Variants in SGCE observed in about 807,000 individuals in gnomAD.
The protein encoded by SGCE is epsilon-sarcoglycan.
In SGCE, 26 loss-of-function variants were observed where a neutral mutation model predicts 57.8. That is an observed-to-expected ratio of 0.45 (90% CI 0.33 to 0.62). SGCE has a LOEUF of 0.62. Among genes scored for constraint, SGCE ranks in the 20% least tolerant of loss-of-function variants. The pLI is 0.02. For synonymous variants in SGCE, 183 were observed against 189.5 expected (o/e 0.97, Z 0.28); for missense variants, 468 against 548.6 (o/e 0.85, Z 1.47).
chr7:94,594,342 C>G (rs1334682532), intron 9 of SGCE: 1 of 152,014 alleles, frequency 6.6e-6, no homozygotes, highest in Non-Finnish European at 1.5e-5. Flanking sequence ...CTATTAATGG[C>G]AACACTTATT....
intron 1 of SGCE, among the ~76,000 whole-genome samples, chr7:94,630,340 A>C (rs547596382): frequency 6.6e-6 from 1 of 151,930 alleles, no homozygotes; most frequent in African/African-American, 2.4e-5. Flanking sequence ...CACTATCAAT[A>C]CATGTAATGC....
At chr7:94,633,806 G>A (rs1018517791) in intron 1 of SGCE, among the ~76,000 whole-genome samples, 1 of 152,050 alleles carries the variant, frequency 6.6e-6, no homozygotes, top group Non-Finnish European at 1.5e-5. Context: ...ATGGTGGTAC[G>A]CTGCCAATGA....
At chr7:94,618,137 A>C (rs1009079293) in intron 5 of SGCE, 1 of 152,290 alleles carries the variant, frequency 6.6e-6, no homozygotes, top group Non-Finnish European at 1.5e-5. Flanking sequence ...ACAGCTTCAG[A>C]ACTGACAAAT....
At position 94,618,799 on chromosome 7, in the gene SGCE, C is replaced by G; in HGVS notation, c.621G>C (p.Arg207Ser). The G allele has an allele frequency of 6.2e-7, 1 of 1,614,022 alleles. No homozygotes were observed. The highest frequency in any genetic ancestry group is 8.5e-7 in the Non-Finnish European group (1 of 1,179,950). Reference sequence around the variant, plus strand: ...TAATGGGAAGTGGCACCCTGCCACCCCTGTCTAGGGCCGATGTGATGTTTA... The same window carrying G: ...TAATGGGAAGTGGCACCCTGCCACCGCTGTCTAGGGCCGATGTGATGTTTA... ...NAINITSALDRGGRVPLPIND... is the reference protein window; with the variant it reads ...NAINITSALDSGGRVPLPIND... The change falls in exon 5 of 11, where the codon AGG becomes AGC. Residue 207 changes from arginine to serine, a missense_variant. Coordinates refer to ENST00000648936, the MANE Select transcript of SGCE (RefSeq NM_003919.3).
chr7:94,650,615 T>C (rs1483418896), intron 1 of SGCE, among the ~76,000 whole-genome samples: 1 of 152,160 alleles, frequency 6.6e-6, no homozygotes, highest in Non-Finnish European at 1.5e-5. Flanking sequence ...TAAAATGTTC[T>C]CATCACAATT....
chr7:94,646,641 T>C (rs1807120906), intron 1 of SGCE, among the ~76,000 whole-genome samples: 1 of 151,966 alleles, frequency 6.6e-6, no homozygotes, highest in East Asian at 1.9e-4. Context: ...CTATAAAATC[T>C]AGTGTAATAG....
rs1472017729 is a variant in SGCE, at chr7:94,605,095, CA to C, written c.663-1644del. ...TTACTCCATACATTAGTCCAGCTAG[CA>C]AGAAAAAAATTATAAAACATACTAT... is the stretch of plus-strand genomic sequence containing the variant. On this transcript the variant is annotated intron_variant, in intron 5 of 10. Coordinates refer to ENST00000648936, the MANE Select transcript of SGCE (RefSeq NM_003919.3). Among the ~76,000 whole-genome samples the C allele has an allele frequency of 4.0e-5, 6 of 151,416 alleles. No individual in the cohort carries two copies. The East Asian group carries it at 9.7e-4, about 24-fold the overall frequency.
chr7:94,618,949 C>T lies in SGCE; in HGVS notation c.471G>A (p.Pro157=), dbSNP rs747531940. 4.4e-5 allele frequency: 71 copies of T among 1,612,006 alleles called. No individual in the cohort carries two copies. The highest frequency in any genetic ancestry group is 7.7e-5 in the South Asian group (7 of 91,052). The change falls in exon 5 of 11, where the codon CCG becomes CCA. Residue 157 remains proline (P), a synonymous_variant. Coordinates refer to ENST00000648936, the MANE Select transcript of SGCE (RefSeq NM_003919.3). ...IINIMSAEDF[P]LPYQAEFFIK... The stretch of plus-strand genomic sequence containing the variant: ...TGAAGAATTCTGCTTGATATGGCAA[C>T]GGGAAGTCTAATTTTGGTGAAAAAG...
At chr7:94,642,243 TTCTC>T (rs1238711958) in intron 1 of SGCE, among the ~76,000 whole-genome samples, 1 of 152,162 alleles carries the variant, frequency 6.6e-6, no homozygotes, top group Non-Finnish European at 1.5e-5. Flanking sequence ...TCTTATGAAT[TTCTC>T]TAATAAATGG....
At chr7:94,599,745 T>C in intron 7 of SGCE, 22 bp from the exon 8 acceptor site, 1 of 1,503,192 alleles carries the variant, frequency 6.7e-7, no homozygotes, top group South Asian at 1.1e-5. Context: ...ACAAAATTTA[T>C]GAATTAAATA....
intron 5 of SGCE, among the ~76,000 whole-genome samples, chr7:94,613,203 G>A (rs1487068281): frequency 1.3e-5 from 2 of 152,070 alleles, no homozygotes; most frequent in Non-Finnish European, 2.9e-5. Flanking sequence ...GTATATTTAT[G>A]GCTTCTTTTG....
intron 1 of SGCE, chr7:94,644,757 C>A (rs1806834583): frequency 4.4e-6 from 2 of 450,794 alleles, no homozygotes; most frequent in Non-Finnish European, 8.0e-6. Flanking sequence ...CATCCCCATC[C>A]AAGTTGTTAC....
At chr7:94,622,516 C>G (rs1235012700) in intron 4 of SGCE, 1 of 151,902 alleles carries the variant, frequency 6.6e-6, no homozygotes, top group Non-Finnish European at 1.5e-5. Context: ...ATAATCCCAC[C>G]TACTCGGGAG....
chr7:94,610,270 A>G (rs753319222), intron 5 of SGCE, among the ~76,000 whole-genome samples: 1 of 152,212 alleles, frequency 6.6e-6, no homozygotes, highest in East Asian at 1.9e-4. Context: ...GTATGATACT[A>G]TAATGATGGA....
intron 3 of SGCE, chr7:94,625,576 A>ATGAAAAG (rs1232417781): frequency 6.6e-6 from 1 of 152,110 alleles, no homozygotes; most frequent in Non-Finnish European, 1.5e-5. Context: ...GTTTTATTAT[A>ATGAAAAG]ATTGCATGAA....
intron 1 of SGCE, among the ~76,000 whole-genome samples, chr7:94,637,598 C>T (rs1182432911): frequency 6.6e-6 from 1 of 152,118 alleles, no homozygotes; most frequent in Non-Finnish European, 1.5e-5. Flanking sequence ...TTCTAGATGA[C>T]ACTATATGTC....
intron 1 of SGCE, chr7:94,639,508 G>T: frequency 1.0e-6 from 1 of 984,938 alleles, no homozygotes; most frequent in South Asian, 1.4e-5. Flanking sequence ...TTTTTAAAAT[G>T]ACTGTCACAG....
rs745745949 is a variant in SGCE at position 94,628,180 on chromosome 7, G to C, written c.390+22C>G. 4 of 1,573,380 alleles carry C rather than the reference G, an allele frequency of 2.5e-6. No homozygotes were observed. The Admixed American group carries it at 6.8e-5, about 27-fold the overall frequency. On this transcript the variant is annotated intron_variant, in intron 3 of 10. Coordinates refer to ENST00000648936, the MANE Select transcript of SGCE (RefSeq NM_003919.3). ...CACACACACATATATGTATAGTTTTGCTCTTTCTAGGTGTAAATTACCTCA... is the reference window on the plus strand; with the variant it reads ...CACACACACATATATGTATAGTTTTCCTCTTTCTAGGTGTAAATTACCTCA...
At chr7:94,594,970 T>TA (rs1260241840) in intron 9 of SGCE, among the ~76,000 whole-genome samples, 1 of 152,136 alleles carries the variant, frequency 6.6e-6, no homozygotes, top group African/African-American at 2.4e-5. Flanking sequence ...ACTGCCTCTT[T>TA]ATTCATTTTG....
Sources: allele counts gnomAD v4.1 joint callset (sites outside exome capture counted in the v4.1 genomes callset), GRCh38; gene constraint gnomAD v4.1.1; transcripts MANE v1.5; gene names NCBI Gene and HGNC (gene_info 2026-07-23, HGNC 2026-07-21).